Variants in KLHL29 observed in about 807,000 individuals in gnomAD.
KLHL29 encodes the protein kelch like family member 29.
A neutral mutation model predicts 80.4 loss-of-function variants in KLHL29; 21 were observed. That is an observed-to-expected ratio of 0.26 (90% CI 0.19 to 0.38). The LOEUF (loss-of-function observed/expected upper bound fraction) is 0.38, where lower values mean the gene tolerates loss of function less well. Among genes scored for constraint, KLHL29 ranks in the 10% least tolerant of loss-of-function variants. KLHL29 has a pLI of 1.00. For synonymous variants in KLHL29, 511 were observed against 526.8 expected, an observed-to-expected ratio of 0.97 and a Z score of 0.41; for missense variants, 867 against 1,223.9, an observed-to-expected ratio of 0.71 and a Z score of 4.35.
intron 2 of KLHL29, among the ~76,000 whole-genome samples, chr2:23,500,233 G>A (rs998083493): frequency 6.6e-6 from 1 of 152,186 alleles, no homozygotes; most frequent in Non-Finnish European, 1.5e-5. Context: ...AGAAGGTAGG[G>A]AGTCCAGGAG....
chr2:23,632,241 G>A (rs1669488508), intron 3 of KLHL29, among the ~76,000 whole-genome samples: 1 of 152,230 alleles, frequency 6.6e-6, no homozygotes, highest in South Asian at 2.1e-4. Flanking sequence ...AAACCTATGA[G>A]CTGTCATCTA....
At chr2:23,423,412 G>A (rs1273914776) in intron 1 of KLHL29, among the ~76,000 whole-genome samples, 4 of 152,228 alleles carry the variant, frequency 2.6e-5, no homozygotes, top group Non-Finnish European at 5.9e-5. Context: ...TGCCCTGCGC[G>A]GGCTGTCCCC....
chr2:23,410,350 G>C (rs1038168642), intron 1 of KLHL29, among the ~76,000 whole-genome samples: 6 of 152,112 alleles, frequency 3.9e-5, no homozygotes, highest in Non-Finnish European at 8.8e-5. Context: ...GTTCGAGGGT[G>C]GGAAGTAAAG....
At chr2:23,498,894 T>C (rs1422151047) in intron 2 of KLHL29, among the ~76,000 whole-genome samples, 1 of 152,216 alleles carries the variant, frequency 6.6e-6, no homozygotes, top group Non-Finnish European at 1.5e-5. Context: ...TCACTGTGTC[T>C]CTTTCCATTG....
At chr2:23,426,577 A>G (rs759658335) in intron 1 of KLHL29, among the ~76,000 whole-genome samples, 1 of 152,250 alleles carries the variant, frequency 6.6e-6, no homozygotes, top group Non-Finnish European at 1.5e-5. Flanking sequence ...CGCTGCTGCA[A>G]ATAAACGCCC....
At position 23,582,128 on chromosome 2, in the gene KLHL29, C is replaced by A. The variant is rs181556082; in HGVS notation, c.285+19647C>A. ...GCCTCACGCCTCCAGTGACTCCCAG[C>A]GCCAATAGTTTTCTCATCAGGGCAG... On this transcript the variant is annotated intron_variant, in intron 3 of 13. Coordinates refer to ENST00000486442, the MANE Select transcript of KLHL29 (RefSeq NM_052920.2). 4.7e-5 allele frequency among the ~76,000 whole-genome samples: 7 copies of A among 149,314 alleles called. No homozygotes were observed. In the East Asian group the frequency reaches 1.4e-3, roughly 29 times the overall value.
chr2:23,556,489 A>G (rs1226430018), intron 2 of KLHL29, among the ~76,000 whole-genome samples: 1 of 151,852 alleles, frequency 6.6e-6, no homozygotes, highest in African/African-American at 2.4e-5. Flanking sequence ...AAAAAAAACA[A>G]AAAAAATACA....
At chr2:23,389,478 T>A (rs1215951066) in intron 1 of KLHL29, among the ~76,000 whole-genome samples, 1 of 152,032 alleles carries the variant, frequency 6.6e-6, no homozygotes. Flanking sequence ...AGTGCCTACT[T>A]GGGGATAGGA....
intron 1 of KLHL29, among the ~76,000 whole-genome samples, chr2:23,460,328 C>T (rs1051489859): frequency 2.6e-5 from 4 of 152,024 alleles, no homozygotes; most frequent in Admixed American, 2.0e-4. Context: ...TGCAGTGGTT[C>T]TCAACCAGGG....
At chr2:23,549,063 C>T (rs1667056732) in intron 2 of KLHL29, among the ~76,000 whole-genome samples, 1 of 152,198 alleles carries the variant, frequency 6.6e-6, no homozygotes, top group South Asian at 2.1e-4. Context: ...AGTTAGGGAA[C>T]AGCCTCTGAG....
chr2:23,393,161 C>T (rs1344978813), intron 1 of KLHL29, among the ~76,000 whole-genome samples: 6 of 139,848 alleles, frequency 4.3e-5, no homozygotes, highest in Admixed American at 3.4e-4. Context: ...GTGCCTGGCA[C>T]AAAACTCTGG....
chr2:23,420,956 C>T (rs376458471), intron 1 of KLHL29, among the ~76,000 whole-genome samples: 6 of 152,168 alleles, frequency 3.9e-5, no homozygotes, highest in African/African-American at 1.4e-4. Context: ...TATCAGTCAA[C>T]AGAGACCTTA....
chr2:23,463,201 A>T (rs1358406505), intron 1 of KLHL29, among the ~76,000 whole-genome samples: 1 of 150,888 alleles, frequency 6.6e-6, no homozygotes, highest in Non-Finnish European at 1.5e-5. Flanking sequence ...TTCTATCCCA[A>T]GTTGAAGCAG....
chr2:23,559,497 C>G lies in KLHL29; in HGVS notation c.-45-2655C>G, dbSNP rs550162403. Among the ~76,000 whole-genome samples, 3 of 151,912 alleles carry G rather than the reference C, an allele frequency of 2.0e-5. No homozygotes were observed. In the South Asian group the frequency reaches 6.3e-4, roughly 32 times the overall value. On this transcript the variant is annotated intron_variant, in intron 2 of 13. Transcript: ENST00000486442. ...ACACTGGGAGACAGTGATGGAAGGT[C>G]GTGGCTGCAGATGGAGAAGGGGGTA...
intron 3 of KLHL29, among the ~76,000 whole-genome samples, chr2:23,563,647 C>T (rs1004024806): frequency 2.0e-5 from 3 of 152,170 alleles, no homozygotes; most frequent in Non-Finnish European, 4.4e-5. Context: ...TCCAGGTGTG[C>T]TGCGCCTTTG....
chr2:23,542,140 C>T (rs1666856924), intron 2 of KLHL29, among the ~76,000 whole-genome samples: 1 of 152,176 alleles, frequency 6.6e-6, no homozygotes. Flanking sequence ...TAATTTCCAA[C>T]CCTTTGATCT....
intron 3 of KLHL29, among the ~76,000 whole-genome samples, chr2:23,626,091 T>G (rs1298728463): frequency 6.6e-6 from 1 of 151,184 alleles, no homozygotes; most frequent in Admixed American, 6.6e-5. Flanking sequence ...TGCATGGGGG[T>G]AGGAGGAGTT....
At chr2:23,536,976 G>A (rs1475851269) in intron 2 of KLHL29, among the ~76,000 whole-genome samples, 1 of 149,416 alleles carries the variant, frequency 6.7e-6, no homozygotes, top group Non-Finnish European at 1.5e-5. Flanking sequence ...TCTCCTTCAG[G>A]TGTGGTGTAA....
chr2:23,559,892 C>A (rs1372071040), intron 2 of KLHL29, among the ~76,000 whole-genome samples: 1 of 152,010 alleles, frequency 6.6e-6, no homozygotes, highest in Non-Finnish European at 1.5e-5. Context: ...AAGAGGAGCC[C>A]GCCAAGGAGA....
Sources: allele counts gnomAD v4.1 joint callset (sites outside exome capture counted in the v4.1 genomes callset), GRCh38; gene constraint gnomAD v4.1.1; transcripts MANE v1.5; gene names NCBI Gene and HGNC (gene_info 2026-07-23, HGNC 2026-07-21).